Variants in MTHFSD observed in about 807,000 individuals in gnomAD.
MTHFSD encodes the protein methenyltetrahydrofolate synthase domain-containing protein.
A neutral mutation model predicts 31.1 loss-of-function variants in MTHFSD; 37 were observed. The observed-to-expected ratio is 1.19, with a 90% confidence interval of 0.91 to 1.56. MTHFSD has a LOEUF of 1.56. Among genes scored for constraint, MTHFSD ranks in the 40% most tolerant of loss-of-function variants. MTHFSD has a pLI of 0.00. For missense variants in MTHFSD, 664 were observed against 510.1 expected (o/e 1.30, Z -2.91); for synonymous variants, 221 against 206.9 (o/e 1.07, Z -0.59).
Position 86,532,062 on chromosome 16 carries a change from C to A in MTHFSD, c.1101G>T (p.Leu367=). The stretch of plus-strand genomic sequence containing the variant: ...GCGCCACCCTCAGGGTGTCGGTGCC[C>A]AGGCGCAGGCCCTGCAAGCAGGAGA... The part of the protein sequence containing the change: ...QAVSCLQGLR[L]GTDTLRVALA... Residue 367 remains leucine, a synonymous_variant, in exon 8 of 8, where the codon CTG becomes CTT. Coordinates refer to ENST00000360900, the MANE Select transcript of MTHFSD (RefSeq NM_001159377.2). The A allele has an allele frequency of 6.6e-7, 1 of 1,514,426 alleles. No individual in the cohort carries two copies. Among genetic ancestry groups the A allele is most frequent in the Non-Finnish European group, 8.8e-7 (1 of 1,132,910 alleles). The allele number at this position is 1,514,426 out of a possible 1,614,324, so 93.8% of individuals were successfully genotyped here.
intron 5 of MTHFSD, among the ~76,000 whole-genome samples, chr16:86,543,862 C>T (rs554129380): frequency 6.6e-6 from 1 of 152,314 alleles, no homozygotes; most frequent in Admixed American, 6.5e-5. Context: ...TCATTACTGT[C>T]TGAGCTCCGC....
intron 1 of MTHFSD, 182 bp downstream of exon 1, chr16:86,554,987 T>TG: frequency 7.4e-7 from 1 of 1,352,902 alleles, no homozygotes; most frequent in East Asian, 2.5e-5. Context: ...TTTCTCGGGA[T>TG]TCCGGGCGAG....
In MTHFSD at chr16:86,539,115, G is replaced by C. The variant is rs140929564; in HGVS notation, c.681+2582C>G. 6.1e-3 allele frequency among the ~76,000 whole-genome samples: 927 copies of C among 152,302 alleles called. 7 individuals are homozygous for C. Among genetic ancestry groups the C allele is most frequent in the African/African-American group, 0.021 (862 of 41,556 alleles). On this transcript the variant is annotated intron_variant, in intron 7 of 7. Transcript: ENST00000360900. ...TACCCAACCCTACCAGGCTTCCTTT[G>C]CTGAAGATGATATGGAGGAGGAAGA...
intron 7 of MTHFSD, among the ~76,000 whole-genome samples, chr16:86,534,128 C>G (rs1970349917): frequency 6.6e-6 from 1 of 152,236 alleles, no homozygotes; most frequent in African/African-American, 2.4e-5. Context: ...TCCCATTGTT[C>G]AGATACAAAG....
intron 3 of MTHFSD, 128 bp from the exon 4 acceptor site, chr16:86,548,705 G>C (rs573915818): frequency 2.1e-5 from 15 of 699,300 alleles, no homozygotes; most frequent in Non-Finnish European, 3.4e-5. Context: ...TTTGGTGTGT[G>C]CCAAGGAAAT....
At chr16:86,534,203 T>C (rs1970364387) in intron 7 of MTHFSD, among the ~76,000 whole-genome samples, 1 of 152,216 alleles carries the variant, frequency 6.6e-6, no homozygotes. Context: ...CACAAGGCAT[T>C]TCTCTTCCAC....
In MTHFSD at chr16:86,531,820, G is replaced by A; in HGVS notation, c.*191C>T. The A allele has an allele frequency of 2.3e-6, 1 of 432,476 alleles. No homozygotes were observed. The allele number at this position is 432,476 out of a possible 1,614,324, so 26.8% of individuals were successfully genotyped here. A position where few individuals can be genotyped will look rare whatever the true frequency, so the allele number is the denominator to read the frequency against. The stretch of plus-strand genomic sequence containing the variant: ...TGCGCGCTGTGAGATGAACCGCAGG[G>A]CGGCTTCCCCACTCACAGGAGGGCC... On this transcript the variant is annotated 3_prime_UTR_variant, in exon 8 of 8. Transcript: ENST00000360900. The surrounding 1 kb of genome is among the most constrained non-coding windows in gnomAD (Gnocchi z 5.5).
chr16:86,554,582 C>T lies in MTHFSD; in HGVS notation c.123+63G>A, dbSNP rs572649171. 5.0e-6 allele frequency: 6 copies of T among 1,199,148 alleles called. No homozygotes were observed. The African/African-American group carries it at 6.0e-5, about 12-fold the overall frequency. 74.3% of individuals were successfully genotyped at this position (1,199,148 alleles called of 1,614,324 possible). A position where few individuals can be genotyped will look rare whatever the true frequency, so the allele number is the denominator to read the frequency against. ...ATGACGCAGTAAGAGAATTTTATTACTAGTGTTATTCATTTAAGAATATTT... is the reference window on the plus strand; with the variant it reads ...ATGACGCAGTAAGAGAATTTTATTATTAGTGTTATTCATTTAAGAATATTT... On this transcript the variant is annotated intron_variant, in intron 2 of 7. Coordinates refer to ENST00000360900, the MANE Select transcript of MTHFSD (RefSeq NM_001159377.2).
At chr16:86,541,035 G>T in intron 7 of MTHFSD, 1 of 1,187,920 alleles carries the variant, frequency 8.4e-7, no homozygotes, top group Non-Finnish European at 1.1e-6. Flanking sequence ...GGGAGACGTG[G>T]ACACGTATGC....
At chr16:86,549,508 C>G (rs560979815) in intron 3 of MTHFSD, among the ~76,000 whole-genome samples, 1 of 152,376 alleles carries the variant, frequency 6.6e-6, no homozygotes, top group South Asian at 2.1e-4. Flanking sequence ...GTGACTGCGG[C>G]CTGCTGCTTT....
In MTHFSD at chr16:86,532,227, G is replaced by T. The variant is rs368929289; in HGVS notation, c.936C>A (p.Asn312Lys). The T allele has an allele frequency of 3.2e-6, 5 of 1,571,962 alleles. 1 individual carries two copies. The highest frequency in any genetic ancestry group is 2.4e-5 in the South Asian group (2 of 84,970). The change falls in exon 8 of 8, where the codon AAC becomes AAA. Residue 312 changes from asparagine to lysine, a missense_variant. Asn to Lys is a moderately conservative substitution (Grantham distance 94). Transcript: ENST00000360900. ...APLAADVYVG[N>K]LPGDARVSDL... is the part of the protein sequence containing the mutation. Reference sequence around the variant, plus strand: ...CACTCACACGGGCGTCCCCGGGGAGGTTCCCAACGTAAACATCGGCTGCAA... The same window carrying T: ...CACTCACACGGGCGTCCCCGGGGAGTTTCCCAACGTAAACATCGGCTGCAA...
chr16:86,549,754 C>T (rs1972867988), intron 3 of MTHFSD, among the ~76,000 whole-genome samples: 1 of 152,270 alleles, frequency 6.6e-6, no homozygotes, highest in Non-Finnish European at 1.5e-5. Flanking sequence ...GTGATACCAC[C>T]ATGTGGCCAG....
chr16:86,545,379 G>A (rs1303216996), intron 5 of MTHFSD, among the ~76,000 whole-genome samples: 1 of 152,108 alleles, frequency 6.6e-6, no homozygotes, highest in African/African-American at 2.4e-5. Flanking sequence ...TTACACAGGG[G>A]GTTAGCTAAA....
intron 3 of MTHFSD, among the ~76,000 whole-genome samples, chr16:86,550,547 C>T (rs1972988382): frequency 6.6e-6 from 1 of 152,150 alleles, no homozygotes; most frequent in South Asian, 2.1e-4. Context: ...GACTGATGTG[C>T]GGTAACCTGA....
chr16:86,555,151 C>T lies in MTHFSD; in HGVS notation c.16+18G>A, dbSNP rs751196838. 2 of 1,534,992 alleles carry T rather than the reference C, an allele frequency of 1.3e-6. No individual in the cohort carries two copies. On this transcript the variant is annotated intron_variant, in intron 1 of 7. Coordinates refer to ENST00000360900, the MANE Select transcript of MTHFSD (RefSeq NM_001159377.2). ...CTCCCCATTCCCAGCCGCCCCGGAG[C>T]CCCGCCAGGCCCCCCACCTGCCCTC...
intron 3 of MTHFSD, among the ~76,000 whole-genome samples, chr16:86,549,802 C>T (rs556467257): frequency 6.6e-6 from 1 of 152,392 alleles, no homozygotes; most frequent in South Asian, 2.1e-4. Context: ...GGGCTTAAGC[C>T]TGTGTACTTG....
rs1227496686 is a variant in MTHFSD at position 86,542,663 on chromosome 16, T to G, written c.443-450A>C. The G allele has an allele frequency of 6.2e-6, 1 of 160,924 alleles. No homozygotes were observed. Among genetic ancestry groups the G allele is most frequent in the African/African-American group, 2.4e-5 (1 of 41,528 alleles). The allele number at this position is 160,924 out of a possible 1,614,324, so 10.0% of individuals were successfully genotyped here. A position where few individuals can be genotyped will look rare whatever the true frequency, so the allele number is the denominator to read the frequency against. ...TCAGGAGTGTGTGAGGGCATGGCCT[T>G]GTTTCTTCAAAAGCACTGAATACTC... On this transcript the variant is annotated intron_variant, in intron 5 of 7. Coordinates refer to ENST00000360900, the MANE Select transcript of MTHFSD (RefSeq NM_001159377.2). The surrounding 1 kb of genome is among the most constrained non-coding windows in gnomAD (Gnocchi z 4.6).
chr16:86,534,108 C>T (rs1424420059), intron 7 of MTHFSD, among the ~76,000 whole-genome samples: 1 of 152,212 alleles, frequency 6.6e-6, no homozygotes, highest in Non-Finnish European at 1.5e-5. Context: ...GAAAGACTTG[C>T]GCCAACATTT....
chr16:86,547,381 T>G, intron 4 of MTHFSD: 1 of 985,754 alleles, frequency 1.0e-6, no homozygotes, highest in Non-Finnish European at 1.2e-6. Flanking sequence ...CAGCAGTAAC[T>G]GATCATTCGA....
Sources: allele counts gnomAD v4.1 joint callset (sites outside exome capture counted in the v4.1 genomes callset), GRCh38; gene constraint gnomAD v4.1.1; non-coding constraint Gnocchi (gnomAD v3.1); transcripts MANE v1.5; gene names NCBI Gene and HGNC (gene_info 2026-07-23, HGNC 2026-07-21).